Variants in ASPHD1 observed in about 807,000 individuals in gnomAD.
ASPHD1 encodes aspartate beta-hydroxylase domain containing 1.
In ASPHD1, 20 loss-of-function variants were observed where a neutral mutation model predicts 28.3. The ratio of observed to expected loss-of-function variants is 0.71; its 90% CI spans 0.50 to 1.03. ASPHD1 has a LOEUF of 1.03. ASPHD1 is among the 50% of genes least tolerant of loss of function. The probability of loss-of-function intolerance (pLI) is 0.00; values close to 1 mark genes in which losing one functional copy is unlikely to be tolerated. For synonymous variants in ASPHD1, 240 were observed against 221.2 expected (o/e 1.08, Z -0.75); for missense variants, 479 against 524.1 (o/e 0.91, Z 0.84).
downstream of ASPHD1, chr16:29,907,174 C>G: frequency 1.7e-6 from 2 of 1,149,270 alleles, no homozygotes; most frequent in Non-Finnish European, 2.5e-6. Flanking sequence ...ATCCCCCTGC[C>G]TAGGGCCCCT....
intron 3 of ASPHD1, among the ~76,000 whole-genome samples, chr16:29,917,266 C>G (rs1015743751): frequency 6.6e-6 from 1 of 151,962 alleles, no homozygotes; most frequent in African/African-American, 2.4e-5. Flanking sequence ...CTATGGAAGA[C>G]AAAAATGAGC....
At position 29,901,476 on chromosome 16, in the gene ASPHD1, G is replaced by C; in HGVS notation, c.505G>C (p.Ala169Pro). The change falls in exon 1 of 3, where the codon GCT becomes CCT. Residue 169 changes from alanine (A) to proline (P), a missense_variant. Transcript: ENST00000308748. The surrounding 1 kb of genome is among the most constrained non-coding windows in gnomAD (Gnocchi z 5.1). ...WAGMGRVRRA[A>P]QGGPGPGRGP... Reference sequence around the variant, plus strand: ...TGGGATGGGTAGAGTGAGGCGGGCAGCTCAGGGTGGCCCAGGCCCTGGGAG... The same window carrying C: ...TGGGATGGGTAGAGTGAGGCGGGCACCTCAGGGTGGCCCAGGCCCTGGGAG... 6.3e-7 allele frequency: 1 copy of C among 1,580,590 alleles called. No homozygotes were observed. The highest frequency in any genetic ancestry group is 8.6e-7 in the Non-Finnish European group (1 of 1,161,936).
chr16:29,905,992 GGCGGGGGCGGAGGA>G lies in ASPHD1; in HGVS notation c.*96_*109del. 1.3e-6 allele frequency: 1 copy of G among 756,052 alleles called. No homozygotes were observed. Among genetic ancestry groups the G allele is most frequent in the Non-Finnish European group, 2.1e-6 (1 of 470,722 alleles). 46.8% of individuals were successfully genotyped at this position (756,052 alleles called of 1,614,324 possible). On this transcript the variant is annotated 3_prime_UTR_variant, in exon 3 of 3. Transcript: ENST00000308748. ...GGACCTCCTCTCTACTGCGGGGGTGGGCGGGGGCGGAGGATGGGAACTGGCTAGTGAGCACTGAA... is the reference window on the plus strand; with the variant it reads ...GGACCTCCTCTCTACTGCGGGGGTGGTGGGAACTGGCTAGTGAGCACTGAA...
rs1169306414 is a variant in ASPHD1 at position 29,901,636 on chromosome 16, G to A, written c.665G>A (p.Arg222Gln). 1.9e-6 allele frequency: 3 copies of A among 1,570,442 alleles called. No individual in the cohort carries two copies. Among genetic ancestry groups the A allele is most frequent in the South Asian group, 2.3e-5 (2 of 86,078 alleles). ...LLESSFPAIL[R>Q]DFGAVSWDFS... The stretch of plus-strand genomic sequence containing the variant: ...GAGAGCAGCTTCCCTGCCATTTTGC[G>A]GGACTTCGGGGCTGTGAGCTGGGAC... Residue 222 changes from arginine (R) to glutamine (Q), a missense_variant, in exon 1 of 3, where the codon CGG becomes CAG. Physicochemically the swap from Arg to Gln is conservative, Grantham distance 43. Transcript: ENST00000308748. The surrounding 1 kb of genome is among the most constrained non-coding windows in gnomAD (Gnocchi z 5.1).
At position 29,901,353 on chromosome 16, in the gene ASPHD1, C is replaced by A; in HGVS notation, c.382C>A (p.Pro128Thr). Residue 128 changes from proline (P) to threonine (T), a missense_variant, in exon 1 of 3, where the codon CCA becomes ACA. Physicochemically the swap from Pro to Thr is conservative, Grantham distance 38. Coordinates refer to ENST00000308748, the MANE Select transcript of ASPHD1 (RefSeq NM_181718.4). The surrounding 1 kb of genome is among the most constrained non-coding windows in gnomAD (Gnocchi z 5.1). ...TGTGGGATGCTCGGAGGCCGGCGGGCCAAGCCCAGGGGGTCCTGGGGATCC... is the reference window on the plus strand; with the variant it reads ...TGTGGGATGCTCGGAGGCCGGCGGGACAAGCCCAGGGGGTCCTGGGGATCC... ...GPVGCSEAGG[P>T]SPGGPGDPGE... 6.3e-7 allele frequency: 1 copy of A among 1,599,292 alleles called. No individual in the cohort carries two copies. The highest frequency in any genetic ancestry group is 1.1e-5 in the South Asian group (1 of 89,696).
In ASPHD1 at chr16:29,900,632, T is replaced by C; in HGVS notation, c.-340T>C. ...GCGAGAGCCAGGCAGGACCGCAGGG[T>C]CGGGGCTAGTGAGGAGCGAGGGCAA... On this transcript the variant is annotated 5_prime_UTR_variant, in exon 1 of 3. Coordinates refer to ENST00000308748, the MANE Select transcript of ASPHD1 (RefSeq NM_181718.4). 1 of 348,460 alleles carries C rather than the reference T, an allele frequency of 2.9e-6. No homozygotes were observed. Among genetic ancestry groups the C allele is most frequent in the Non-Finnish European group, 5.3e-6 (1 of 189,484 alleles). 21.6% of individuals were successfully genotyped at this position (348,460 alleles called of 1,614,324 possible).
downstream of ASPHD1, chr16:29,906,540 G>A (rs1452870743): frequency 2.0e-6 from 1 of 492,740 alleles, no homozygotes. Context: ...GTCAGGAAGG[G>A]CCGCACACTT....
chr16:29,903,395 C>T (rs1425467974), intron 1 of ASPHD1, among the ~76,000 whole-genome samples: 1 of 151,984 alleles, frequency 6.6e-6, no homozygotes, highest in East Asian at 1.9e-4. Flanking sequence ...ACAGGCTGGA[C>T]CTGAACTCCT....
intron 2 of ASPHD1, 73 bp downstream of exon 2, chr16:29,905,038 A>G (rs1043782850): frequency 2.7e-6 from 3 of 1,128,672 alleles, no homozygotes; most frequent in Non-Finnish European, 3.9e-6. Flanking sequence ...AAGGCAGCAG[A>G]ATCAGGCCCA....
chr16:29,908,859 A>AT (rs548853368), downstream of ASPHD1, among the ~76,000 whole-genome samples: 6 of 149,060 alleles, frequency 4.0e-5, no homozygotes, highest in South Asian at 4.3e-4. Flanking sequence ...TGTCCAGTTA[A>AT]TTTTTTTTTA....
intron 3 of ASPHD1, among the ~76,000 whole-genome samples, chr16:29,912,993 C>A (rs1405459391): frequency 1.3e-5 from 2 of 152,168 alleles, no homozygotes; most frequent in Non-Finnish European, 1.5e-5. Context: ...CAAAATCCCT[C>A]TCACTTCTCC....
chr16:29,906,624 G>A (rs546147544), downstream of ASPHD1: 16 of 658,716 alleles, frequency 2.4e-5, no homozygotes, highest in East Asian at 5.9e-5. Flanking sequence ...AGGGAAGGAC[G>A]CAGGGCCAGG....
Position 29,901,469 on chromosome 16 carries a change from G to A in ASPHD1, c.498G>A (p.Arg166=). The part of the protein sequence containing the change: ...RYSWAGMGRV[R]RAAQGGPGPG... ...CCTGGGCTGGGATGGGTAGAGTGAGGCGGGCAGCTCAGGGTGGCCCAGGCC... is the reference window on the plus strand; with the variant it reads ...CCTGGGCTGGGATGGGTAGAGTGAGACGGGCAGCTCAGGGTGGCCCAGGCC... The change falls in exon 1 of 3, where the codon AGG becomes AGA. Residue 166 remains arginine, a synonymous_variant. Transcript: ENST00000308748. This position sits in a 1 kb window ranked among gnomAD's most constrained non-coding sequence, Gnocchi z 5.1. 6.3e-7 allele frequency: 1 copy of A among 1,588,032 alleles called. No individual in the cohort carries two copies. The highest frequency in any genetic ancestry group is 8.6e-7 in the Non-Finnish European group (1 of 1,166,304).
At chr16:29,903,110 C>T (rs1346911455) in intron 1 of ASPHD1, among the ~76,000 whole-genome samples, 5 of 151,164 alleles carry the variant, frequency 3.3e-5, no homozygotes, top group African/African-American at 1.2e-4. Flanking sequence ...AATCCCAGCA[C>T]TTTGGGAGGC....
downstream of ASPHD1, chr16:29,906,822 G>A (rs771799055): frequency 6.6e-7 from 1 of 1,521,238 alleles, no homozygotes; most frequent in Non-Finnish European, 9.1e-7. Context: ...GAGGGAAAGA[G>A]AGAGGGACTG....
At chr16:29,918,496 A>T (rs973216320) in intron 3 of ASPHD1, among the ~76,000 whole-genome samples, 2 of 152,144 alleles carry the variant, frequency 1.3e-5, no homozygotes, top group African/African-American at 4.8e-5. Flanking sequence ...TTTGAGACAG[A>T]GTCTTGCTCT....
At chr16:29,906,948 A>T, downstream of ASPHD1, 1 of 1,614,106 alleles carries the variant, frequency 6.2e-7, no homozygotes, top group Non-Finnish European at 8.5e-7. Context: ...GATCCTGCGG[A>T]CACGGTGCTC....
At chr16:29,913,285 G>C (rs1448985931) in intron 3 of ASPHD1, 1 of 152,056 alleles carries the variant, frequency 6.6e-6, no homozygotes, top group Non-Finnish European at 1.5e-5. Flanking sequence ...GGCCGACCCT[G>C]CCAGATATTA....
intron 3 of ASPHD1, chr16:29,911,637 A>G (rs1184758919): frequency 3.2e-6 from 2 of 628,996 alleles, no homozygotes; most frequent in East Asian, 5.5e-5. Context: ...ACTGAGCTGA[A>G]GCTGAGAAGC....
Sources: allele counts gnomAD v4.1 joint callset (sites outside exome capture counted in the v4.1 genomes callset), GRCh38; gene constraint gnomAD v4.1.1; non-coding constraint Gnocchi (gnomAD v3.1); transcripts MANE v1.5; gene names NCBI Gene and HGNC (gene_info 2026-07-23, HGNC 2026-07-21).